The following RAD17 variants were observed in gnomAD, a reference collection of about 807,000 sequenced individuals.
The protein encoded by RAD17 is cell cycle checkpoint protein RAD17.
Under a neutral mutation model 81.5 loss-of-function variants are expected in RAD17, and 31 were observed. That is an observed-to-expected ratio of 0.38 (90% CI 0.29 to 0.51). The LOEUF is 0.51. RAD17 is among the 20% of genes least tolerant of loss of function. RAD17 has a pLI of 0.88. For synonymous variants in RAD17, 261 were observed against 266.2 expected (o/e 0.98, Z 0.19); for missense variants, 681 against 781.2 (o/e 0.87, Z 1.53).
chr5:69,373,705 TTTTTTTTTTTTA>T (rs1763158699), intron 4 of RAD17, 113 bp from the exon 5 acceptor site: 7 of 559,638 alleles, frequency 1.3e-5, no homozygotes, highest in South Asian at 3.4e-5. Context: ...TTTTTTTTTT[TTTTTTTTTTTTA>T]AGTTTTAAAG....
intron 17 of RAD17, among the ~76,000 whole-genome samples, chr5:69,406,395 G>A (rs1434956925): frequency 6.6e-6 from 1 of 152,130 alleles, no homozygotes; most frequent in Non-Finnish European, 1.5e-5. Context: ...TGGTAGGGGA[G>A]TTGTTGATCA....
At chr5:69,375,851 C>A (rs1763300782) in intron 6 of RAD17, among the ~76,000 whole-genome samples, 1 of 150,044 alleles carries the variant, frequency 6.7e-6, no homozygotes, top group African/African-American at 2.5e-5. Flanking sequence ...TTCCCTGAAT[C>A]TAATAATAGT....
chr5:69,408,266 G>T (rs1016408454), intron 17 of RAD17, among the ~76,000 whole-genome samples: 7 of 151,584 alleles, frequency 4.6e-5, no homozygotes, highest in African/African-American at 1.7e-4. Context: ...CCTCCTCTGG[G>T]GCTTGTTTTT....
Position 69,386,460 on chromosome 5 carries a change from A to C in RAD17, c.889A>C (p.Asn297His), listed in dbSNP as rs1764219050. 4 of 1,592,190 alleles carry C rather than the reference A, an allele frequency of 2.5e-6. No homozygotes were observed. Among genetic ancestry groups the C allele is most frequent in the African/African-American group, 1.3e-5 (1 of 74,158 alleles). ...FLNRIVTIEA[N>H]KNGGKITVPD... The stretch of plus-strand genomic sequence containing the variant: ...TAATCGAATAGTGACTATAGAAGCT[A>C]ACAAGGTAAGTCTCTGATTAATTAA... The change falls in exon 11 of 19, where the codon AAC becomes CAC. Residue 297 changes from asparagine (N) to histidine (H), a missense_variant. Asn to His is a moderately conservative substitution (Grantham distance 68). Coordinates refer to ENST00000354868, the MANE Select transcript of RAD17 (RefSeq NM_133338.3).
upstream of RAD17, chr5:69,369,502 C>T (rs1561226258): frequency 6.2e-7 from 1 of 1,611,336 alleles, no homozygotes; most frequent in South Asian, 1.1e-5. Context: ...GTCCCCGCCG[C>T]GACGGCTTCG....
At chr5:69,397,645 T>C (rs965287313) in intron 16 of RAD17, among the ~76,000 whole-genome samples, 6 of 152,146 alleles carry the variant, frequency 3.9e-5, no homozygotes, top group African/African-American at 1.4e-4. Context: ...TAGTTCAACC[T>C]GAGAATGCTG....
At chr5:69,380,183 C>CT (rs547562791) in intron 6 of RAD17, among the ~76,000 whole-genome samples, 1,914 of 149,870 alleles carry the variant, frequency 0.013, 33 homozygotes, top group Non-Finnish European at 0.016. Context: ...GCCCGGCCAA[C>CT]TTTTTTTTTT....
At chr5:69,369,514 G>C (rs201882501), upstream of RAD17, 1 of 1,611,372 alleles carries the variant, frequency 6.2e-7, no homozygotes, top group Admixed American at 1.7e-5. Flanking sequence ...ACGGCTTCGG[G>C]CGCCTCGCTC....
At chr5:69,398,612 C>T (rs1765049218) in intron 16 of RAD17, among the ~76,000 whole-genome samples, 1 of 151,838 alleles carries the variant, frequency 6.6e-6, no homozygotes, top group Non-Finnish European at 1.5e-5. Context: ...TCGAGACCAG[C>T]CTGACTAACA....
chr5:69,403,535 A>C (rs1765402799), intron 17 of RAD17, among the ~76,000 whole-genome samples: 1 of 152,248 alleles, frequency 6.6e-6, no homozygotes, highest in African/African-American at 2.4e-5. Flanking sequence ...CAGTACTTAC[A>C]AAAGCTGTAA....
At chr5:69,401,631 C>T (rs1765271492) in intron 17 of RAD17, among the ~76,000 whole-genome samples, 2 of 152,080 alleles carry the variant, frequency 1.3e-5, no homozygotes, top group Admixed American at 1.3e-4. Context: ...GGGCAGTGGT[C>T]ATGATTAATC....
upstream of RAD17, chr5:69,369,708 C>T: frequency 1.3e-6 from 2 of 1,551,574 alleles, no homozygotes; most frequent in Non-Finnish European, 1.7e-6. Flanking sequence ...GGGCATAACT[C>T]GGGTCGGTAC....
chr5:69,379,125 C>G (rs1763690131), intron 6 of RAD17, among the ~76,000 whole-genome samples: 1 of 151,972 alleles, frequency 6.6e-6, no homozygotes, highest in Non-Finnish European at 1.5e-5. Flanking sequence ...GCCTGTAGTC[C>G]CAGCTATATG....
Position 69,377,666 on chromosome 5 carries a change from CAT to C in RAD17, c.351+2964_351+2965del, listed in dbSNP as rs375453838. The stretch of plus-strand genomic sequence containing the variant: ...ATATATATGCATATATATATGTATA[CAT>C]ATATATATGCATATATATATATGTA... On this transcript the variant is annotated intron_variant, in intron 6 of 18. Transcript: ENST00000354868. 4.0e-4 allele frequency among the ~76,000 whole-genome samples: 11 copies of C among 27,262 alleles called. 2 individuals are homozygous for C. Among genetic ancestry groups the C allele is most frequent in the Non-Finnish European group, 6.5e-4 (7 of 10,706 alleles). 17.9% of individuals were successfully genotyped at this position (27,262 alleles called of 152,430 possible).
At chr5:69,371,267 G>T in intron 2 of RAD17, 96 bp downstream of exon 2, 143 of 516,854 alleles carry the variant, frequency 2.8e-4, no homozygotes, top group Middle Eastern at 4.8e-4. Flanking sequence ...TAGATTATTT[G>T]ATACAGTTAT....
chr5:69,403,338 TC>T (rs1396106595), intron 17 of RAD17, among the ~76,000 whole-genome samples: 1 of 152,194 alleles, frequency 6.6e-6, no homozygotes, highest in Non-Finnish European at 1.5e-5. Context: ...TTTGGGTTTG[TC>T]TGGTGATTCC....
In RAD17 at chr5:69,409,183, G is replaced by C. The variant is rs1477453216; in HGVS notation, c.1694-1310G>C. ...TATTCTGGGTGGGTGCCCAGCTGCA[G>C]AGGTAGCCTCTGATTATTTTGGCTT... On this transcript the variant is annotated intron_variant, in intron 17 of 18. Transcript: ENST00000354868. Among the ~76,000 whole-genome samples the C allele has an allele frequency of 3.3e-5, 5 of 152,310 alleles. No individual in the cohort carries two copies. The East Asian group carries it at 9.6e-4, about 29-fold the overall frequency.
At chr5:69,374,737 A>G in intron 6 of RAD17, 26 bp downstream of exon 6, 1 of 1,505,308 alleles carries the variant, frequency 6.6e-7, no homozygotes, top group Non-Finnish European at 9.1e-7. Context: ...GTTTTTAAAT[A>G]TTTAACATCA....
At chr5:69,382,188 G>C in intron 7 of RAD17, 131 bp downstream of exon 7, 2 of 1,039,866 alleles carry the variant, frequency 1.9e-6, no homozygotes, top group Non-Finnish European at 2.8e-6. Flanking sequence ...TCACAGGCCA[G>C]GTGCGATGGC....
Sources: allele counts gnomAD v4.1 joint callset (sites outside exome capture counted in the v4.1 genomes callset), GRCh38; gene constraint gnomAD v4.1.1; transcripts MANE v1.5; gene names NCBI Gene and HGNC (gene_info 2026-07-23, HGNC 2026-07-21).